Variants in YAP1 observed in about 807,000 individuals in gnomAD.
YAP1 encodes the protein Yes1 associated transcriptional regulator, also known as transcriptional coactivator YAP1.
In YAP1, 5 loss-of-function variants were observed where a neutral mutation model predicts 56.9. The ratio of observed to expected loss-of-function variants is 0.09; its 90% CI spans 0.05 to 0.18. The LOEUF (loss-of-function observed/expected upper bound fraction) is 0.18. YAP1 is among the 10% of genes least tolerant of loss of function. The probability of loss-of-function intolerance (pLI) is 1.00; values close to 1 mark genes in which losing one functional copy is unlikely to be tolerated. For missense variants in YAP1, 539 were observed against 651.8 expected (o/e 0.83, Z 1.88); for synonymous variants, 265 against 248.1 (o/e 1.07, Z -0.64).
chr11:102,176,413 A>T (rs1215765480), intron 3 of YAP1, among the ~76,000 whole-genome samples: 1 of 152,100 alleles, frequency 6.6e-6, no homozygotes, highest in East Asian at 1.9e-4. Context: ...TACTAGTGGG[A>T]CAGATTGGAG....
At chr11:102,217,324 AGTCTGGAAACACTTAGAATATTTTTAAG>A (rs1178923747) in intron 6 of YAP1, among the ~76,000 whole-genome samples, 1 of 152,234 alleles carries the variant, frequency 6.6e-6, no homozygotes, top group African/African-American at 2.4e-5. Context: ...AGTAGTCAGA[AGTCTGGAAACACTTAGAATATTTTTAAG>A]GTTTTTTTAA....
chr11:102,114,317 T>C lies in YAP1; in HGVS notation c.495T>C (p.Phe165=), dbSNP rs1248052289. ...CTCAGCATCTTCGACAGTCTTCTTTTGAGATACCTGATGATGTACCTCTGC... is the reference window on the plus strand; with the variant it reads ...CTCAGCATCTTCGACAGTCTTCTTTCGAGATACCTGATGATGTACCTCTGC... ...PTAQHLRQSS[F]EIPDDVPLPA... is the part of the protein sequence containing the mutation. Residue 165 remains phenylalanine (F), a synonymous_variant, in exon 2 of 9, where the codon TTT becomes TTC. Coordinates refer to ENST00000282441, the MANE Select transcript of YAP1 (RefSeq NM_001130145.3). 4.3e-6 allele frequency: 7 copies of C among 1,614,032 alleles called. No homozygotes were observed. Among genetic ancestry groups the C allele is most frequent in the Non-Finnish European group, 5.9e-6 (7 of 1,179,908 alleles).
chr11:102,229,683 C>T lies in YAP1; in HGVS notation c.1277-19C>T, dbSNP rs1950369069. The T allele has an allele frequency of 6.2e-6, 10 of 1,606,706 alleles. No homozygotes were observed. The highest frequency in any genetic ancestry group is 7.7e-6 in the Non-Finnish European group (9 of 1,173,784). ...AGCTTTTCAAAAAGGACTTTGTTAT[C>T]TCTGTGTGTTTCCACTAGGTGATAC... On this transcript the variant is annotated intron_variant, in intron 8 of 8. Transcript: ENST00000282441.
In YAP1 at chr11:102,223,708, A is replaced by C. The variant is rs757429113; in HGVS notation, c.1119A>C (p.Glu373Asp). The C allele has an allele frequency of 1.2e-6, 2 of 1,614,044 alleles. No homozygotes were observed. The highest frequency in any genetic ancestry group is 1.7e-6 in the Non-Finnish European group (2 of 1,180,018). ...NPVSSPGMSQ[E>D]LRTMTTNSSD... Reference sequence around the variant, plus strand: ...TGTCTTCTCCCGGGATGTCTCAGGAATTGAGAACAATGACGACCAATAGCT... The same window carrying C: ...TGTCTTCTCCCGGGATGTCTCAGGACTTGAGAACAATGACGACCAATAGCT... Residue 373 changes from glutamate (E) to aspartate (D), a missense_variant, in exon 7 of 9, where the codon GAA (glutamate) becomes GAC (aspartate). Glu to Asp is a conservative substitution (Grantham distance 45). This residue lies in a region of YAP1 where 414 missense variants were observed against 512.4 expected (regional missense o/e 0.81). Transcript: ENST00000282441.
At chr11:102,160,511 T>A (rs1946209544) in intron 2 of YAP1, among the ~76,000 whole-genome samples, 1 of 152,252 alleles carries the variant, frequency 6.6e-6, no homozygotes, top group South Asian at 2.1e-4. Flanking sequence ...TGGATTCGTC[T>A]TAATAGATGA....
At chr11:102,165,576 G>A (rs1946556993) in intron 3 of YAP1, among the ~76,000 whole-genome samples, 1 of 151,968 alleles carries the variant, frequency 6.6e-6, no homozygotes, top group Admixed American at 6.6e-5. Context: ...GGAGAGAGTT[G>A]GAAGAAGGAA....
chr11:102,132,441 GTTC>G (rs1944419427), intron 2 of YAP1, among the ~76,000 whole-genome samples: 1 of 152,118 alleles, frequency 6.6e-6, no homozygotes, highest in Non-Finnish European at 1.5e-5. Context: ...TTGAAAAACA[GTTC>G]TTCTGATATC....
At chr11:102,143,628 T>C (rs1330318260) in intron 2 of YAP1, among the ~76,000 whole-genome samples, 2 of 152,214 alleles carry the variant, frequency 1.3e-5, no homozygotes, top group East Asian at 3.8e-4. Flanking sequence ...GCCATATATA[T>C]GTTCCCCTTT....
chr11:102,122,715 G>A (rs1186519289), intron 2 of YAP1, among the ~76,000 whole-genome samples: 1 of 151,872 alleles, frequency 6.6e-6, no homozygotes, highest in Admixed American at 6.6e-5. Context: ...CCAACATGGT[G>A]AAACCCCATC....
chr11:102,125,420 A>G (rs1177339247), intron 2 of YAP1, among the ~76,000 whole-genome samples: 2 of 137,972 alleles, frequency 1.4e-5, no homozygotes, highest in African/African-American at 5.6e-5. Context: ...ACTGTTGCCC[A>G]GGCTGGAGTG....
chr11:102,190,937 A>G (rs562903638), intron 4 of YAP1, among the ~76,000 whole-genome samples: 31 of 151,940 alleles, frequency 2.0e-4, no homozygotes, highest in African/African-American at 7.5e-4. Flanking sequence ...CTCCATCTCA[A>G]AAGCCGAGGC....
intron 3 of YAP1, among the ~76,000 whole-genome samples, chr11:102,182,211 A>T (rs1005692969): frequency 6.6e-6 from 1 of 152,206 alleles, no homozygotes; most frequent in African/African-American, 2.4e-5. Flanking sequence ...TATAGGGGTA[A>T]GGCTCAGCAA....
intron 4 of YAP1, among the ~76,000 whole-genome samples, chr11:102,199,430 C>T (rs1948734356): frequency 1.3e-5 from 2 of 152,054 alleles, no homozygotes; most frequent in South Asian, 2.1e-4. Context: ...TGGCTTTTTT[C>T]GTATCCATTG....
At chr11:102,189,900 ACATT>A (rs746212321) in intron 4 of YAP1, among the ~76,000 whole-genome samples, 3 of 152,304 alleles carry the variant, frequency 2.0e-5, no homozygotes, top group Non-Finnish European at 2.9e-5. Flanking sequence ...AAATTTTGAG[ACATT>A]CATTAACATT....
chr11:102,145,811 T>C (rs10750633), intron 2 of YAP1, among the ~76,000 whole-genome samples: 88,767 of 151,986 alleles, frequency 0.58, 26,712 homozygotes, highest in South Asian at 0.74. Flanking sequence ...AGATGCCTTA[T>C]ATATATTTCT....
At chr11:102,149,842 A>G (rs1421840629) in intron 2 of YAP1, among the ~76,000 whole-genome samples, 1 of 152,178 alleles carries the variant, frequency 6.6e-6, no homozygotes, top group Admixed American at 6.5e-5. Flanking sequence ...ATCACCTGGC[A>G]TGATGACTTT....
At chr11:102,184,025 CG>C (rs1203324150) in intron 3 of YAP1, among the ~76,000 whole-genome samples, 1 of 145,726 alleles carries the variant, frequency 6.9e-6, no homozygotes, top group Non-Finnish European at 1.5e-5. Flanking sequence ...TGCAGTGAGC[CG>C]AGATCCCGCC....
At chr11:102,202,317 G>A (rs1486868121) in intron 4 of YAP1, among the ~76,000 whole-genome samples, 1 of 147,658 alleles carries the variant, frequency 6.8e-6, no homozygotes, top group Non-Finnish European at 1.5e-5. Context: ...ACAGTCACCC[G>A]CCACCACACC....
intron 6 of YAP1, among the ~76,000 whole-genome samples, chr11:102,223,228 CAG>C (rs1332890456): frequency 7.4e-6 from 1 of 135,404 alleles, no homozygotes; most frequent in Non-Finnish European, 1.5e-5. Context: ...AGCCTGGTGA[CAG>C]AGTGAGACTC....
Sources: gnomAD v4.1 joint callset for allele counts (sites outside exome capture counted in the v4.1 genomes callset) on GRCh38, gnomAD v4.1.1 for gene constraint, gnomAD v4.1.1 regional missense constraint, MANE v1.5 for transcripts, NCBI Gene and HGNC (gene_info 2026-07-23, HGNC 2026-07-21) for gene names.